Variants in SNTB1 observed in about 807,000 individuals in gnomAD.
SNTB1 encodes the protein beta-1-syntrophin.
SNTB1 carries 36 observed loss-of-function variants against 48.9 expected under a neutral mutation model. The ratio of observed to expected loss-of-function variants is 0.74; its 90% CI spans 0.56 to 0.97. The LOEUF is 0.97. SNTB1 is among the 50% of genes least tolerant of loss of function. The pLI is 0.00. For synonymous variants in SNTB1, 299 were observed against 294.6 expected, an observed-to-expected ratio of 1.01 and a Z score of -0.15; for missense variants, 786 against 703.4, an observed-to-expected ratio of 1.12 and a Z score of -1.33.
chr8:120,795,270 CAAAAA>C (rs1820104969), intron 1 of SNTB1, among the ~76,000 whole-genome samples: 1 of 150,796 alleles, frequency 6.6e-6, no homozygotes, highest in South Asian at 2.1e-4. Context: ...AAAAACAAAA[CAAAAA>C]GAAAATGGAG....
At chr8:120,622,204 C>T (rs1816804854) in intron 3 of SNTB1, among the ~76,000 whole-genome samples, 2 of 152,164 alleles carry the variant, frequency 1.3e-5, no homozygotes, top group South Asian at 2.1e-4. Flanking sequence ...GAGAGTCCTG[C>T]TTGGCCTCTC....
Position 120,549,011 on chromosome 8 carries a change from T to C in SNTB1, c.1137-53A>G, listed in dbSNP as rs550560453. ...CAAAATGGAGACTAGTTTATTCACC[T>C]GGCATATCACCTTGTATAAGACCCA... On this transcript the variant is annotated intron_variant, in intron 4 of 6. Coordinates refer to ENST00000517992, the MANE Select transcript of SNTB1 (RefSeq NM_021021.4). 59 of 1,438,190 alleles carry C rather than the reference T, an allele frequency of 4.1e-5. No homozygotes were observed. The African/African-American group carries it at 7.4e-4, about 18-fold the overall frequency. 89.1% of individuals were successfully genotyped at this position (1,438,190 alleles called of 1,614,324 possible).
chr8:120,737,997 C>T (rs974219788), intron 1 of SNTB1, among the ~76,000 whole-genome samples: 1 of 152,112 alleles, frequency 6.6e-6, no homozygotes, highest in Non-Finnish European at 1.5e-5. Flanking sequence ...GTATCCTCCC[C>T]AAATTCACAT....
At position 120,634,860 on chromosome 8, in the gene SNTB1, T is replaced by G. The variant is rs1817047750; in HGVS notation, c.789-2209A>C. On this transcript the variant is annotated intron_variant, in intron 2 of 6. Transcript: ENST00000517992. ...AGCCATAATTAGTATTCATTTTTTTTTTTTTTTTTGAGACGGAGTCTCGCT... is the reference window on the plus strand; with the variant it reads ...AGCCATAATTAGTATTCATTTTTTTGTTTTTTTTTGAGACGGAGTCTCGCT... Among the ~76,000 whole-genome samples, 2 of 151,674 alleles carry G rather than the reference T, an allele frequency of 1.3e-5. 1 individual carries two copies. Among genetic ancestry groups the G allele is most frequent in the South Asian group, 4.2e-4 (2 of 4,796 alleles).
chr8:120,676,656 C>T (rs2129803081), intron 2 of SNTB1, among the ~76,000 whole-genome samples: 1 of 152,212 alleles, frequency 6.6e-6, no homozygotes, highest in South Asian at 2.1e-4. Context: ...TACTTCTCAC[C>T]CTATGAAGGA....
intron 3 of SNTB1, among the ~76,000 whole-genome samples, chr8:120,578,274 T>C (rs1412529781): frequency 6.6e-6 from 1 of 151,866 alleles, no homozygotes; most frequent in South Asian, 2.1e-4. Flanking sequence ...TCTCCTGACC[T>C]CATGATCTGC....
intron 2 of SNTB1, chr8:120,638,277 A>G (rs1268211816): frequency 6.6e-6 from 1 of 152,254 alleles, no homozygotes; most frequent in Non-Finnish European, 1.5e-5. Flanking sequence ...AGTGTGGAAG[A>G]AGCGGGAAAA....
chr8:120,627,117 A>AT (rs1296711857), intron 3 of SNTB1, among the ~76,000 whole-genome samples: 1 of 152,142 alleles, frequency 6.6e-6, no homozygotes, highest in African/African-American at 2.4e-5. Flanking sequence ...TCACCCATAG[A>AT]TTTTGAAAGA....
chr8:120,654,753 T>C (rs1265645417), intron 2 of SNTB1: 2 of 266,970 alleles, frequency 7.5e-6, no homozygotes, highest in Non-Finnish European at 1.5e-5. Flanking sequence ...CCAAGTGATA[T>C]TTCCCAGCAT....
chr8:120,545,116 G>T (rs1035866195), intron 5 of SNTB1, among the ~76,000 whole-genome samples: 4 of 152,094 alleles, frequency 2.6e-5, no homozygotes, highest in African/African-American at 9.7e-5. Flanking sequence ...GGCCGAGGTG[G>T]GTGGATCACT....
chr8:120,745,550 T>C (rs996084531), intron 1 of SNTB1, among the ~76,000 whole-genome samples: 2 of 152,152 alleles, frequency 1.3e-5, no homozygotes, highest in African/African-American at 4.8e-5. Flanking sequence ...CTCCTGGGGA[T>C]GTTTCTTTTT....
chr8:120,575,202 C>T lies in SNTB1; in HGVS notation c.1020G>A (p.Gln340=). 6.2e-7 allele frequency: 1 copy of T among 1,614,164 alleles called. No homozygotes were observed. The change falls in exon 4 of 7, where the codon CAG becomes CAA. Residue 340 remains glutamine, a synonymous_variant. Transcript: ENST00000517992. The part of the protein sequence containing the change: ...AEKVPGESKK[Q]WKPALVVLTE... ...TCAGCACAACCAGGGCTGGTTTCCA[C>T]TGTTTCTTGCTCTCCCCTGGCACCT...
intron 1 of SNTB1, among the ~76,000 whole-genome samples, chr8:120,726,319 G>C (rs1053907706): frequency 6.6e-6 from 1 of 152,084 alleles, no homozygotes; most frequent in African/African-American, 2.4e-5. Flanking sequence ...AGACATTGCT[G>C]ACTGGAGAGG....
At chr8:120,586,422 C>A (rs1413433014) in intron 3 of SNTB1, among the ~76,000 whole-genome samples, 1 of 152,104 alleles carries the variant, frequency 6.6e-6, no homozygotes, top group Non-Finnish European at 1.5e-5. Flanking sequence ...TGGGGAGAAC[C>A]CTCTTCCTTG....
chr8:120,661,945 T>A (rs556240837), intron 2 of SNTB1, among the ~76,000 whole-genome samples: 1 of 152,364 alleles, frequency 6.6e-6, no homozygotes, highest in African/African-American at 2.4e-5. Flanking sequence ...ACTTTTTAAA[T>A]CATTTTCCAG....
At chr8:120,704,485 T>G (rs1287790931) in intron 1 of SNTB1, among the ~76,000 whole-genome samples, 1 of 151,970 alleles carries the variant, frequency 6.6e-6, no homozygotes, top group Non-Finnish European at 1.5e-5. Context: ...CAAAAAACGT[T>G]TAATCTGCAG....
chr8:120,693,089 A>G (rs972377031), intron 2 of SNTB1, among the ~76,000 whole-genome samples: 4 of 152,168 alleles, frequency 2.6e-5, no homozygotes, highest in African/African-American at 9.7e-5. Flanking sequence ...GGAGCAAGAA[A>G]GAGCAGGGAG....
At chr8:120,683,741 T>C (rs1439989696) in intron 2 of SNTB1, among the ~76,000 whole-genome samples, 1 of 152,202 alleles carries the variant, frequency 6.6e-6, no homozygotes, top group Admixed American at 6.5e-5. Context: ...TAATCTCTGC[T>C]TGACAGCTTG....
At chr8:120,801,777 C>T (rs1325458250) in intron 1 of SNTB1, among the ~76,000 whole-genome samples, 1 of 152,008 alleles carries the variant, frequency 6.6e-6, no homozygotes, top group East Asian at 1.9e-4. Context: ...ATCGTTTGTC[C>T]GGGGGCCTCC....
Sources: gnomAD v4.1 joint callset for allele counts (sites outside exome capture counted in the v4.1 genomes callset) on GRCh38, gnomAD v4.1.1 for gene constraint, MANE v1.5 for transcripts, NCBI Gene and HGNC (gene_info 2026-07-23, HGNC 2026-07-21) for gene names.